FRAS1: variants seen among roughly 807,000 people sequenced by gnomAD.
FRAS1 encodes extracellular matrix organizing protein FRAS1.
In FRAS1, 290 loss-of-function variants were observed where a neutral mutation model predicts 435.2. That is an observed-to-expected ratio of 0.67 (90% CI 0.61 to 0.73). The LOEUF is 0.73. Among genes scored for constraint, FRAS1 ranks in the 30% least tolerant of loss-of-function variants. The pLI is 0.00. For synonymous variants in FRAS1, 1,800 were observed against 1,851.0 expected (o/e 0.97, Z 0.71); for missense variants, 4,860 against 5,001.5 (o/e 0.97, Z 0.85).
At chr4:78,232,531 TGCCTCA>T (rs1366109163) in intron 2 of FRAS1, among the ~76,000 whole-genome samples, 3 of 152,130 alleles carry the variant, frequency 2.0e-5, no homozygotes, top group Admixed American at 6.5e-5. Flanking sequence ...GTGATCTGCC[TGCCTCA>T]GCCTCCCAAA....
rs746969511 is a variant in FRAS1, at chr4:78,515,869, G to A, written c.10245G>A (p.Gln3415=). 1.2e-6 allele frequency: 2 copies of A among 1,614,012 alleles called. No individual in the cohort carries two copies. Among genetic ancestry groups the A allele is most frequent in the African/African-American group, 1.3e-5 (1 of 75,060 alleles). The change falls in exon 66 of 74, where the codon CAG becomes CAA. Residue 3415 remains glutamine (Q), a synonymous_variant. Transcript: ENST00000512123. The stretch of plus-strand genomic sequence containing the variant: ...GGCCTGGCTACGATCGCCCCTTCCA[G>A]TTTGACCCCAGCGTGCGAGAGCCGA... ...ALGPGYDRPF[Q]FDPSVREPKT... is the part of the protein sequence containing the mutation.
intron 2 of FRAS1, among the ~76,000 whole-genome samples, chr4:78,103,541 G>T (rs569469136): frequency 6.6e-6 from 1 of 152,168 alleles, no homozygotes; most frequent in African/African-American, 2.4e-5. Flanking sequence ...TGGTTTGAAT[G>T]CTTGTGTCCC....
At position 78,488,905 on chromosome 4, in the gene FRAS1, TC is replaced by T; in HGVS notation, c.8785del (p.Leu2929Ter). On this transcript the variant is annotated frameshift_variant, in exon 59 of 74. Transcript: ENST00000512123. LOFTEE classifies it high-confidence loss of function. ...AGCATGCAGTTTGCCAAGGATTTGC[TC>T]CTAGTGAAGGAGAAGGAGGGTGTCC... ...VPSMQFAKDL[L>X]LVKEKEGVLH... 1 of 1,613,050 alleles carries T rather than the reference TC, an allele frequency of 6.2e-7. No individual in the cohort carries two copies. The highest frequency in any genetic ancestry group is 8.5e-7 in the Non-Finnish European group (1 of 1,179,638).
chr4:78,485,605 G>C (rs541882894), intron 58 of FRAS1, among the ~76,000 whole-genome samples: 13 of 152,202 alleles, frequency 8.5e-5, no homozygotes, highest in Non-Finnish European at 1.8e-4. Flanking sequence ...TAGTAATAAC[G>C]AACTTTTGTT....
intron 20 of FRAS1, among the ~76,000 whole-genome samples, chr4:78,345,660 G>T: frequency 6.7e-6 from 1 of 149,420 alleles, no homozygotes; most frequent in African/African-American, 2.5e-5. Flanking sequence ...ATCTCTTATT[G>T]CTTGAATCAT....
In FRAS1 at chr4:78,109,350, A is replaced by G. The variant is rs1218665289; in HGVS notation, c.108+43334A>G. On this transcript the variant is annotated intron_variant, in intron 2 of 73. Transcript: ENST00000512123. ...ATGAACATTGATGCAAAAATCCTCA[A>G]TAAAATACTGGCAAACCGAATCCAG... 7.0e-4 allele frequency among the ~76,000 whole-genome samples: 94 copies of G among 134,372 alleles called. 1 individual carries two copies. Among genetic ancestry groups the G allele is most frequent in the African/African-American group, 2.5e-3 (89 of 35,316 alleles). 88.2% of individuals were successfully genotyped at this position (134,372 alleles called of 152,430 possible).
chr4:78,509,919 CCA>C (rs1311800369), intron 63 of FRAS1, among the ~76,000 whole-genome samples: 4 of 152,168 alleles, frequency 2.6e-5, no homozygotes, highest in African/African-American at 9.7e-5. Context: ...CCTGTTCATT[CCA>C]CAGTTTATTC....
intron 22 of FRAS1, among the ~76,000 whole-genome samples, chr4:78,366,001 AT>A (rs1408364589): frequency 2.0e-5 from 3 of 152,066 alleles, no homozygotes; most frequent in Non-Finnish European, 4.4e-5. Flanking sequence ...CTCTATTCTA[AT>A]ACTCATAATT....
chr4:78,531,624 C>T (rs1408055673), intron 70 of FRAS1, among the ~76,000 whole-genome samples: 1 of 152,288 alleles, frequency 6.6e-6, no homozygotes, highest in South Asian at 2.1e-4. Context: ...TGCTGCTTCT[C>T]CCCTGTTGTC....
In FRAS1 at chr4:78,320,473, A is replaced by G. The variant is rs72866329; in HGVS notation, c.2137+1487A>G. Among the ~76,000 whole-genome samples the G allele has an allele frequency of 9.8e-3, 1,488 of 152,124 alleles. 14 individuals carry two copies. Among genetic ancestry groups the G allele is most frequent in the African/African-American group, 0.034 (1,423 of 41,498 alleles). On this transcript the variant is annotated intron_variant, in intron 18 of 73. Transcript: ENST00000512123. ...AAAAAGCATTTTTCTCCTCTGTTTA[A>G]TTGCTTCTCCATTCTCTTCCGTGGG...
chr4:78,419,936 G>A (rs1284218211), intron 33 of FRAS1, among the ~76,000 whole-genome samples: 4 of 152,128 alleles, frequency 2.6e-5, no homozygotes, highest in Non-Finnish European at 4.4e-5. Flanking sequence ...CAGCACCCAG[G>A]GGGATGGTGT....
chr4:78,113,698 G>A (rs1418538048), intron 2 of FRAS1, among the ~76,000 whole-genome samples: 1 of 152,012 alleles, frequency 6.6e-6, no homozygotes, highest in Non-Finnish European at 1.5e-5. Context: ...TTGTAAATTT[G>A]TTTGAGTTCA....
chr4:78,271,430 C>T (rs1026026786), intron 9 of FRAS1, among the ~76,000 whole-genome samples: 3 of 143,574 alleles, frequency 2.1e-5, no homozygotes, highest in Admixed American at 2.0e-4. Flanking sequence ...CGTCATTTAG[C>T]ATTAGGTATA....
Position 78,384,155 on chromosome 4 carries a change from G to A in FRAS1, c.3648+12G>A, listed in dbSNP as rs764016097. On this transcript the variant is annotated intron_variant, in intron 28 of 73. Transcript: ENST00000512123. Reference sequence around the variant, plus strand: ...CATTTTCAACACAGGTAATAAAAATGGCCACGTAATTAATAATTTTACATG... The same window carrying A: ...CATTTTCAACACAGGTAATAAAAATAGCCACGTAATTAATAATTTTACATG... 5.2e-6 allele frequency: 8 copies of A among 1,548,472 alleles called. No individual in the cohort carries two copies. The highest frequency in any genetic ancestry group is 5.2e-6 in the Non-Finnish European group (6 of 1,143,420).
chr4:78,097,309 T>C (rs978114140), intron 2 of FRAS1, among the ~76,000 whole-genome samples: 12 of 152,192 alleles, frequency 7.9e-5, no homozygotes, highest in Admixed American at 4.6e-4. Context: ...CTCACATTTT[T>C]TCCTGTGTTC....
intron 1 of FRAS1, among the ~76,000 whole-genome samples, chr4:78,058,697 A>G (rs569514271): frequency 9.2e-5 from 14 of 152,292 alleles, no homozygotes; most frequent in Admixed American, 2.6e-4. Flanking sequence ...ATAAGAGTTT[A>G]GGTTCATTCT....
intron 2 of FRAS1, among the ~76,000 whole-genome samples, chr4:78,190,950 G>T (rs1003181841): frequency 1.3e-5 from 2 of 152,188 alleles, no homozygotes; most frequent in Non-Finnish European, 2.9e-5. Flanking sequence ...GTGGGATCTT[G>T]ATCCCATAGA....
intron 59 of FRAS1, among the ~76,000 whole-genome samples, chr4:78,496,015 C>G (rs975381996): frequency 6.6e-6 from 1 of 152,186 alleles, no homozygotes; most frequent in Admixed American, 6.5e-5. Flanking sequence ...TGAAACTTCT[C>G]TCTACTCATA....
At chr4:78,509,137 A>G in intron 63 of FRAS1, 131 bp downstream of exon 63, 1 of 1,014,990 alleles carries the variant, frequency 9.9e-7, no homozygotes. Flanking sequence ...GCAGGTGCAC[A>G]GTCTTTTTAC....
Sources: gnomAD v4.1 joint callset for allele counts (sites outside exome capture counted in the v4.1 genomes callset) on GRCh38, gnomAD v4.1.1 for gene constraint, MANE v1.5 for transcripts, NCBI Gene and HGNC (gene_info 2026-07-23, HGNC 2026-07-21) for gene names.